The following CEP152 variants were observed in gnomAD, a reference collection of about 807,000 sequenced individuals.
CEP152 encodes centrosomal protein 152.
In CEP152, 132 loss-of-function variants were observed where a neutral mutation model predicts 188.9. The ratio of observed to expected loss-of-function variants is 0.70; its 90% CI spans 0.61 to 0.81. The LOEUF (loss-of-function observed/expected upper bound fraction) is 0.81. CEP152 is among the 30% of genes least tolerant of loss of function. The pLI, the probability that CEP152 is intolerant of heterozygous loss-of-function variation, is 0.00. For missense variants in CEP152, 1,914 were observed against 1,969.8 expected (o/e 0.97, Z 0.54); for synonymous variants, 649 against 666.6 (o/e 0.97, Z 0.41).
chr15:48,760,917 T>C (rs1253658282), intron 18 of CEP152, among the ~76,000 whole-genome samples: 2 of 152,114 alleles, frequency 1.3e-5, no homozygotes, highest in Non-Finnish European at 2.9e-5. Context: ...TATACGTACA[T>C]ACAACACAAA....
chr15:48,780,506 C>A (rs1417349889), intron 12 of CEP152, among the ~76,000 whole-genome samples: 1 of 152,104 alleles, frequency 6.6e-6, no homozygotes, highest in East Asian at 1.9e-4. Flanking sequence ...CTGGAAACTA[C>A]AATTCAACAA....
chr15:48,738,779 C>T lies in CEP152; in HGVS notation c.4603G>A (p.Val1535Ile), dbSNP rs372654467. ...TCCATTAGTGGATTGCATTTATATA[C>T]TTTTAAACCAAGTCTTTCATTAGAA... Reference protein sequence around the residue: ...RDSNERLGLKVYKCNPLMESE... With the variant: ...RDSNERLGLKIYKCNPLMESE... The change falls in exon 27 of 27, where the codon GTA becomes ATA. Residue 1535 changes from valine to isoleucine, a missense_variant. Transcript: ENST00000380950. The T allele has an allele frequency of 4.6e-5, 74 of 1,614,172 alleles. No homozygotes were observed. The African/African-American group carries it at 8.3e-4, about 18-fold the overall frequency.
rs1468574201 is a variant in CEP152 at position 48,782,172 on chromosome 15, A to G, written c.1380T>C (p.His460=). The G allele has an allele frequency of 1.2e-6, 2 of 1,613,822 alleles. No individual in the cohort carries two copies. Among genetic ancestry groups the G allele is most frequent in the Non-Finnish European group, 1.7e-6 (2 of 1,179,868 alleles). Residue 460 remains histidine, a synonymous_variant, in exon 11 of 27, where the codon CAT becomes CAC. Transcript: ENST00000380950. The part of the protein sequence containing the change: ...QFQLQQAQKA[H]AMSANMNKAL... ...CCTTGTTCATGTTTGCACTCATAGC[A>G]TGTGCCTTCTGTGCTTGCTGCAGCT... is the stretch of plus-strand genomic sequence containing the variant.
At chr15:48,742,956 C>T (rs889233875) in intron 24 of CEP152, among the ~76,000 whole-genome samples, 1 of 152,068 alleles carries the variant, frequency 6.6e-6, no homozygotes, top group Non-Finnish European at 1.5e-5. Flanking sequence ...AAAATACTAA[C>T]TGGGAGACTG....
intron 10 of CEP152, chr15:48,783,766 T>A (rs968658271): frequency 5.9e-6 from 1 of 170,136 alleles, no homozygotes; most frequent in Non-Finnish European, 1.1e-5. Flanking sequence ...TTTTTATATA[T>A]GTGTGTATGT....
At chr15:48,782,051 A>G in intron 11 of CEP152, 88 bp downstream of exon 11, 8 of 1,232,950 alleles carry the variant, frequency 6.5e-6, no homozygotes, top group Non-Finnish European at 9.4e-6. Flanking sequence ...CACCTCTATT[A>G]TACAGAGAAA....
intron 2 of CEP152, among the ~76,000 whole-genome samples, chr15:48,801,932 A>C (rs1231417586): frequency 6.6e-6 from 1 of 152,102 alleles, no homozygotes; most frequent in African/African-American, 2.4e-5. Flanking sequence ...TGTCTCTACT[A>C]AAAATACAAA....
At chr15:48,803,525 G>A (rs1897802798) in intron 2 of CEP152, among the ~76,000 whole-genome samples, 1 of 152,044 alleles carries the variant, frequency 6.6e-6, no homozygotes, top group Non-Finnish European at 1.5e-5. Context: ...TTATTAACAT[G>A]AAGTTTTTTA....
intron 18 of CEP152, 119 bp downstream of exon 18, chr15:48,762,272 G>T: frequency 1.9e-6 from 2 of 1,028,074 alleles, no homozygotes; most frequent in Non-Finnish European, 1.5e-6. Flanking sequence ...TTCTATCCTA[G>T]AAATGCACAA....
intron 22 of CEP152, among the ~76,000 whole-genome samples, 181 bp downstream of exon 22, chr15:48,748,262 C>G (rs1893606782): frequency 6.6e-6 from 1 of 152,112 alleles, no homozygotes; most frequent in Non-Finnish European, 1.5e-5. Flanking sequence ...TTAATCAGAG[C>G]TGAAATCTTC....
chr15:48,750,761 T>A (rs952469042), intron 21 of CEP152, among the ~76,000 whole-genome samples: 13 of 152,310 alleles, frequency 8.5e-5, no homozygotes, highest in Non-Finnish European at 1.6e-4. Flanking sequence ...AGTATTAAAC[T>A]ATTTTTATAA....
chr15:48,778,387 A>G (rs944347000), intron 12 of CEP152, among the ~76,000 whole-genome samples: 2 of 152,140 alleles, frequency 1.3e-5, no homozygotes, highest in South Asian at 4.1e-4. Context: ...TCTCTCCTTT[A>G]TCTCCTTTGA....
chr15:48,738,570 T>C lies in CEP152; in HGVS notation c.4812A>G (p.Glu1604=), dbSNP rs766730568. The C allele has an allele frequency of 6.2e-7, 1 of 1,614,218 alleles. No homozygotes were observed. The highest frequency in any genetic ancestry group is 2.2e-5 in the East Asian group (1 of 44,882). ...GTGAAAACTGTTTGGATTTAACAGATTCACTTGGTATTTCCAAAGTTCCTT... is the reference window on the plus strand; with the variant it reads ...GTGAAAACTGTTTGGATTTAACAGACTCACTTGGTATTTCCAAAGTTCCTT... ...RPQGTLEIPS[E]SVKSKQFSPS... is the part of the protein sequence containing the mutation. Residue 1604 remains glutamate (E), a synonymous_variant, in exon 27 of 27, where the codon GAA becomes GAG. Coordinates refer to ENST00000380950, the MANE Select transcript of CEP152 (RefSeq NM_001194998.2).
intron 7 of CEP152, among the ~76,000 whole-genome samples, chr15:48,792,200 C>T (rs977110589): frequency 7.2e-5 from 11 of 152,078 alleles, no homozygotes; most frequent in African/African-American, 2.7e-4. Context: ...CCATGTTAGC[C>T]AGGATGATCT....
chr15:48,793,737 T>C (rs952919725), intron 6 of CEP152, among the ~76,000 whole-genome samples: 5 of 152,210 alleles, frequency 3.3e-5, no homozygotes, highest in African/African-American at 1.2e-4. Flanking sequence ...AAAATATAGT[T>C]CTTACAGTGG....
chr15:48,767,541 C>T (rs957265372), intron 15 of CEP152, 78 bp from the exon 16 acceptor site: 5 of 1,586,616 alleles, frequency 3.2e-6, no homozygotes, highest in Non-Finnish European at 4.3e-6. Flanking sequence ...TTCCTTCCTC[C>T]TCACCTCTTC....
intron 22 of CEP152, among the ~76,000 whole-genome samples, chr15:48,747,221 G>A (rs1893506798): frequency 6.6e-6 from 1 of 152,182 alleles, no homozygotes; most frequent in South Asian, 2.1e-4. Flanking sequence ...GGGAATTATT[G>A]CCAGTGTCCA....
chr15:48,789,672 C>CT (rs1185576639), intron 8 of CEP152, among the ~76,000 whole-genome samples: 3 of 152,186 alleles, frequency 2.0e-5, no homozygotes, highest in Admixed American at 2.0e-4. Flanking sequence ...ATGAGAAAAA[C>CT]TAAGGCAGAA....
Position 48,768,953 on chromosome 15 carries a change from C to A in CEP152, c.1908+3G>T. On this transcript the variant is annotated splice_donor_region_variant and intron_variant, in intron 14 of 26. Coordinates refer to ENST00000380950, the MANE Select transcript of CEP152 (RefSeq NM_001194998.2). ...ATAAAATATAAAAAATATTTTTAAT[C>A]ACCTGATTTTGTTGTTGTAAAACTT... 1.3e-6 allele frequency: 2 copies of A among 1,495,130 alleles called. No homozygotes were observed. Among genetic ancestry groups the A allele is most frequent in the Non-Finnish European group, 1.8e-6 (2 of 1,087,630 alleles). The allele number at this position is 1,495,130 out of a possible 1,614,324, so 92.6% of individuals were successfully genotyped here.
Sources: allele counts gnomAD v4.1 joint callset (sites outside exome capture counted in the v4.1 genomes callset), GRCh38; gene constraint gnomAD v4.1.1; transcripts MANE v1.5; gene names NCBI Gene and HGNC (gene_info 2026-07-23, HGNC 2026-07-21).